Variants in TRPS1 observed in about 807,000 individuals in gnomAD.
The protein encoded by TRPS1 is transcriptional repressor GATA binding 1.
Under a neutral mutation model 101.2 loss-of-function variants are expected in TRPS1, and 6 were observed. That is an observed-to-expected ratio of 0.06 (90% confidence interval 0.03 to 0.12). TRPS1 has a LOEUF of 0.12. TRPS1 is among the 10% of genes least tolerant of loss of function. TRPS1 has a pLI of 1.00. For synonymous variants in TRPS1, 578 were observed against 589.8 expected, an observed-to-expected ratio of 0.98 and a Z score of 0.29; for missense variants, 1,363 against 1,567.0, an observed-to-expected ratio of 0.87 and a Z score of 2.20.
chr8:115,650,430 C>T (rs1368311220), intron 1 of TRPS1, among the ~76,000 whole-genome samples: 1 of 152,166 alleles, frequency 6.6e-6, no homozygotes, highest in Non-Finnish European at 1.5e-5. Context: ...AAATAGATCT[C>T]CTTGATTTCT....
At chr8:115,554,336 G>C (rs1009706709) in intron 5 of TRPS1, among the ~76,000 whole-genome samples, 1 of 152,052 alleles carries the variant, frequency 6.6e-6, no homozygotes, top group Non-Finnish European at 1.5e-5. Flanking sequence ...AAAATGACAG[G>C]ACAGTCAGAC....
chr8:115,499,808 TA>T lies in TRPS1; in HGVS notation c.2701-81357del, dbSNP rs1210517472. Reference sequence around the variant, plus strand: ...GGATTTGTTTGCTGTGTCTAAGCAATATATCTAATTAGACAGTACAACTAAA... The same window carrying T: ...GGATTTGTTTGCTGTGTCTAAGCAATTATCTAATTAGACAGTACAACTAAA... On this transcript the variant is annotated intron_variant, in intron 5 of 6. Coordinates refer to ENST00000395715, the MANE Select transcript of TRPS1 (RefSeq NM_014112.5). Among the ~76,000 whole-genome samples, 3 of 152,172 alleles carry T rather than the reference TA, an allele frequency of 2.0e-5. No homozygotes were observed. The East Asian group carries it at 5.8e-4, about 29-fold the overall frequency.
intron 5 of TRPS1, among the ~76,000 whole-genome samples, chr8:115,554,232 T>C (rs1816766477): frequency 6.6e-6 from 1 of 152,144 alleles, no homozygotes; most frequent in Admixed American, 6.5e-5. Flanking sequence ...TAGTCATTAA[T>C]GAATAATAGG....
At chr8:115,555,581 T>C (rs985673814) in intron 5 of TRPS1, among the ~76,000 whole-genome samples, 1 of 151,674 alleles carries the variant, frequency 6.6e-6, no homozygotes, top group Non-Finnish European at 1.5e-5. Flanking sequence ...AGGGGGTTGA[T>C]GAAGGGAGGA....
intron 5 of TRPS1, among the ~76,000 whole-genome samples, chr8:115,553,543 T>C (rs1816750243): frequency 6.6e-6 from 1 of 152,162 alleles, no homozygotes; most frequent in Non-Finnish European, 1.5e-5. Context: ...TCGTTTATGA[T>C]AATATATGTT....
chr8:115,613,264 T>A (rs76490899), intron 3 of TRPS1, among the ~76,000 whole-genome samples: 3,298 of 152,292 alleles, frequency 0.022, 100 homozygotes, highest in African/African-American at 0.074. Flanking sequence ...ACTGTAATTT[T>A]AAAAAGATGA....
intron 5 of TRPS1, among the ~76,000 whole-genome samples, chr8:115,460,894 A>T (rs1290896819): frequency 2.0e-5 from 3 of 152,194 alleles, no homozygotes; most frequent in Non-Finnish European, 4.4e-5. Flanking sequence ...TATTAGAATG[A>T]ATTTATCTCA....
chr8:115,555,295 G>A (rs1030744882), intron 5 of TRPS1, among the ~76,000 whole-genome samples: 5 of 151,954 alleles, frequency 3.3e-5, no homozygotes, highest in Non-Finnish European at 5.9e-5. Context: ...AATTTCAATC[G>A]GACTCTTAAG....
chr8:115,493,376 C>T (rs1815074596), intron 5 of TRPS1, among the ~76,000 whole-genome samples: 1 of 152,100 alleles, frequency 6.6e-6, no homozygotes, highest in African/African-American at 2.4e-5. Flanking sequence ...TTATTTGAGA[C>T]ACAGTTTGGC....
At chr8:115,425,292 C>CA (rs1389739032) in intron 5 of TRPS1, among the ~76,000 whole-genome samples, 1 of 151,892 alleles carries the variant, frequency 6.6e-6, no homozygotes, top group Non-Finnish European at 1.5e-5. Flanking sequence ...GATTTCTTGC[C>CA]AAAAAACTGA....
At chr8:115,499,004 T>TA (rs1234130876) in intron 5 of TRPS1, among the ~76,000 whole-genome samples, 7 of 152,090 alleles carry the variant, frequency 4.6e-5, no homozygotes, top group Non-Finnish European at 7.4e-5. Flanking sequence ...TACTTTTAAA[T>TA]AAAAAAATAC....
chr8:115,501,071 T>A (rs2130145581), intron 5 of TRPS1, among the ~76,000 whole-genome samples: 1 of 152,154 alleles, frequency 6.6e-6, no homozygotes, highest in South Asian at 2.1e-4. Context: ...TGCGACTCTA[T>A]CCTCCCTTGT....
At chr8:115,667,837 G>C (rs1171017654) in intron 1 of TRPS1, 13 of 1,535,062 alleles carry the variant, frequency 8.5e-6, no homozygotes, top group Non-Finnish European at 1.1e-5. Flanking sequence ...GCCCGTCTCT[G>C]AGACCCTCCC....
intron 5 of TRPS1, among the ~76,000 whole-genome samples, chr8:115,504,122 G>T (rs912528081): frequency 1.3e-5 from 2 of 152,076 alleles, no homozygotes; most frequent in African/African-American, 2.4e-5. Context: ...CATCCAATTG[G>T]TTACCAAGTG....
At chr8:115,422,541 A>C (rs1169566919) in intron 5 of TRPS1, among the ~76,000 whole-genome samples, 1 of 151,910 alleles carries the variant, frequency 6.6e-6, no homozygotes, top group East Asian at 1.9e-4. Flanking sequence ...TAATTCTTGT[A>C]TTTTTAGTGG....
chr8:115,525,976 C>T (rs1303314686), intron 5 of TRPS1, among the ~76,000 whole-genome samples: 1 of 152,088 alleles, frequency 6.6e-6, no homozygotes, highest in Non-Finnish European at 1.5e-5. Flanking sequence ...AGAGTACATG[C>T]TGAAAAATAC....
rs544405113 is a variant in TRPS1, at chr8:115,417,021, C to T, written c.2823+1309G>A. Among the ~76,000 whole-genome samples, 6 of 151,944 alleles carry T rather than the reference C, an allele frequency of 3.9e-5. No individual in the cohort carries two copies. In the South Asian group the frequency reaches 1.2e-3, roughly 32 times the overall value. On this transcript the variant is annotated intron_variant, in intron 6 of 6. Transcript: ENST00000395715. ...TTTCAATGTATGGTTTTTTAAAAAA[C>T]CTGAAAACTGAAAACATCTTACCTC...
intron 5 of TRPS1, among the ~76,000 whole-genome samples, chr8:115,447,323 A>G (rs1338069178): frequency 1.3e-5 from 2 of 152,222 alleles, no homozygotes; most frequent in Non-Finnish European, 2.9e-5. Context: ...TAAAAGTAAT[A>G]AAATTTCATA....
At chr8:115,603,596 T>C (rs1246806118) in intron 4 of TRPS1, among the ~76,000 whole-genome samples, 2 of 152,178 alleles carry the variant, frequency 1.3e-5, no homozygotes, top group Non-Finnish European at 2.9e-5. Flanking sequence ...ATTATTAGAA[T>C]CACTGTGAAT....
Sources: allele counts gnomAD v4.1 joint callset (sites outside exome capture counted in the v4.1 genomes callset), GRCh38; gene constraint gnomAD v4.1.1; transcripts MANE v1.5; gene names NCBI Gene and HGNC (gene_info 2026-07-23, HGNC 2026-07-21).